ZMAT4: variants seen among roughly 807,000 people sequenced by gnomAD.
The protein encoded by ZMAT4 is zinc finger matrin-type protein 4.
A neutral mutation model predicts 28.7 loss-of-function variants in ZMAT4; 17 were observed. That is an observed-to-expected ratio of 0.59 (90% CI 0.41 to 0.89). ZMAT4 has a LOEUF of 0.89. ZMAT4 is among the 40% of genes least tolerant of loss of function. The pLI, the probability that ZMAT4 is intolerant of heterozygous loss-of-function variation, is 0.00. For missense variants in ZMAT4, 240 were observed against 283.8 expected, an observed-to-expected ratio of 0.85 and a Z score of 1.11; for synonymous variants, 117 against 109.2, an observed-to-expected ratio of 1.07 and a Z score of -0.44.
At chr8:40,838,347 T>C (rs954340603) in intron 1 of ZMAT4, among the ~76,000 whole-genome samples, 3 of 152,036 alleles carry the variant, frequency 2.0e-5, no homozygotes, top group Non-Finnish European at 2.9e-5. Flanking sequence ...CTTTTGTTTA[T>C]TTTTTTATTT....
At chr8:40,550,058 C>T (rs1365892704) in intron 6 of ZMAT4, among the ~76,000 whole-genome samples, 1 of 152,108 alleles carries the variant, frequency 6.6e-6, no homozygotes, top group Non-Finnish European at 1.5e-5. Flanking sequence ...ACTGTGGTAG[C>T]CCTGAGAGTG....
chr8:40,748,197 A>G (rs902411249), intron 3 of ZMAT4, among the ~76,000 whole-genome samples: 1 of 152,186 alleles, frequency 6.6e-6, no homozygotes, highest in Admixed American at 6.5e-5. Context: ...TCTTTTAACT[A>G]TGCTTGGCAC....
intron 2 of ZMAT4, among the ~76,000 whole-genome samples, chr8:40,795,553 G>A (rs916483744): frequency 6.6e-6 from 1 of 152,078 alleles, no homozygotes; most frequent in Non-Finnish European, 1.5e-5. Flanking sequence ...TTCCTCCCTG[G>A]GGGCTCCTTT....
At chr8:40,702,351 T>C (rs1440910549) in intron 3 of ZMAT4, among the ~76,000 whole-genome samples, 1 of 152,214 alleles carries the variant, frequency 6.6e-6, no homozygotes, top group Non-Finnish European at 1.5e-5. Flanking sequence ...AATGAATATA[T>C]TTAAAGTTTC....
At chr8:40,651,292 C>T (rs1300289012) in intron 5 of ZMAT4, among the ~76,000 whole-genome samples, 1 of 152,238 alleles carries the variant, frequency 6.6e-6, no homozygotes, top group East Asian at 1.9e-4. Flanking sequence ...AACAGACAAA[C>T]AGAGAGCCAA....
chr8:40,551,766 G>A (rs566340283), intron 6 of ZMAT4, among the ~76,000 whole-genome samples: 1 of 152,254 alleles, frequency 6.6e-6, no homozygotes, highest in Admixed American at 6.5e-5. Context: ...TAAGAAATGT[G>A]ATTTAATCCA....
At chr8:40,745,763 A>T (rs890082940) in intron 3 of ZMAT4, among the ~76,000 whole-genome samples, 1 of 152,252 alleles carries the variant, frequency 6.6e-6, no homozygotes, top group African/African-American at 2.4e-5. Context: ...AGATCATCAA[A>T]ATCACTGTGA....
At chr8:40,795,877 C>T (rs1330546625) in intron 2 of ZMAT4, among the ~76,000 whole-genome samples, 1 of 152,206 alleles carries the variant, frequency 6.6e-6, no homozygotes, top group Non-Finnish European at 1.5e-5. Flanking sequence ...GTTTTGGTCC[C>T]TTCCTGTTAC....
At chr8:40,732,317 C>T (rs1811575521) in intron 3 of ZMAT4, among the ~76,000 whole-genome samples, 2 of 151,986 alleles carry the variant, frequency 1.3e-5, no homozygotes, top group Non-Finnish European at 2.9e-5. Context: ...AAGGTCAGAC[C>T]CTGCAGCAGG....
chr8:40,704,588 T>G (rs1278575336), intron 3 of ZMAT4, among the ~76,000 whole-genome samples: 1 of 152,232 alleles, frequency 6.6e-6, no homozygotes, highest in African/African-American at 2.4e-5. Context: ...TCTAAAAACA[T>G]CTTAAAGGCA....
At chr8:40,803,657 A>G (rs887245608) in intron 2 of ZMAT4, among the ~76,000 whole-genome samples, 10 of 152,194 alleles carry the variant, frequency 6.6e-5, no homozygotes, top group African/African-American at 2.4e-4. Context: ...GCCACTTTGG[A>G]AGACAATTTG....
At chr8:40,627,560 A>C (rs1039238367) in intron 5 of ZMAT4, among the ~76,000 whole-genome samples, 1 of 152,178 alleles carries the variant, frequency 6.6e-6, no homozygotes, top group African/African-American at 2.4e-5. Flanking sequence ...TCATAATTCA[A>C]CCTATGATTT....
rs143584515 is a variant in ZMAT4 at position 40,720,349 on chromosome 8, A to G, written c.193-22948T>C. 1.9e-3 allele frequency among the ~76,000 whole-genome samples: 293 copies of G among 152,154 alleles called. 1 individual carries two copies. Among genetic ancestry groups the G allele is most frequent in the Middle Eastern group, 0.01 (3 of 294 alleles). ...TACACTTGGTTTTCTAGGACTCTTT[A>G]TTGTGGCTCTGGATGAATGCAGGTA... On this transcript the variant is annotated intron_variant, in intron 3 of 6. Coordinates refer to ENST00000297737, the MANE Select transcript of ZMAT4 (RefSeq NM_024645.3).
At chr8:40,708,796 C>T (rs543084779) in intron 3 of ZMAT4, among the ~76,000 whole-genome samples, 2 of 151,462 alleles carry the variant, frequency 1.3e-5, no homozygotes, top group South Asian at 2.1e-4. Flanking sequence ...ATCACAGGTG[C>T]GCACCACCGC....
intron 2 of ZMAT4, among the ~76,000 whole-genome samples, chr8:40,775,965 C>T (rs1226005808): frequency 1.3e-5 from 2 of 152,270 alleles, no homozygotes; most frequent in East Asian, 1.9e-4. Context: ...AGCAAGAAGG[C>T]GGCTGTCTAC....
At chr8:40,646,118 A>G (rs917108241) in intron 5 of ZMAT4, among the ~76,000 whole-genome samples, 4 of 151,912 alleles carry the variant, frequency 2.6e-5, no homozygotes, top group Admixed American at 6.6e-5. Flanking sequence ...TTGTGTTTTC[A>G]ATTTTATATA....
At chr8:40,767,511 T>C (rs1449537515) in intron 3 of ZMAT4, 130 bp downstream of exon 3, 1 of 717,380 alleles carries the variant, frequency 1.4e-6, no homozygotes, top group Non-Finnish European at 2.2e-6. Flanking sequence ...ACCTGTAATA[T>C]TTAGTGAGAA....
chr8:40,829,690 C>T (rs1323354770), intron 1 of ZMAT4, among the ~76,000 whole-genome samples: 1 of 152,052 alleles, frequency 6.6e-6, no homozygotes. Flanking sequence ...CAACTAATTC[C>T]AACAGAACTT....
At chr8:40,632,934 A>C (rs905312579) in intron 5 of ZMAT4, among the ~76,000 whole-genome samples, 1 of 152,090 alleles carries the variant, frequency 6.6e-6, no homozygotes, top group African/African-American at 2.4e-5. Flanking sequence ...GTTAAAGGAG[A>C]GGAAGATTAC....
Sources: gnomAD v4.1 joint callset for allele counts (sites outside exome capture counted in the v4.1 genomes callset) on GRCh38, gnomAD v4.1.1 for gene constraint, MANE v1.5 for transcripts, NCBI Gene and HGNC (gene_info 2026-07-23, HGNC 2026-07-21) for gene names.